The following CSMD1 variants were observed in gnomAD, a reference collection of about 807,000 sequenced individuals.
CSMD1 encodes the protein CUB and Sushi multiple domains 1, also known as CUB and sushi domain-containing protein 1.
A neutral mutation model predicts 417.5 loss-of-function variants in CSMD1; 213 were observed. The observed-to-expected ratio is 0.51, with a 90% CI of 0.46 to 0.57. CSMD1 has a LOEUF of 0.57. Among genes scored for constraint, CSMD1 ranks in the 20% least tolerant of loss-of-function variants. The pLI, the probability that CSMD1 is intolerant of heterozygous loss-of-function variation, is 0.00. For synonymous variants in CSMD1, 2,862 were observed against 1,736.8 expected (o/e 1.65, Z -16.11); for missense variants, 6,923 against 4,529.7 (o/e 1.53, Z -15.17).
chr8:4,371,653 T>C (rs1443129143), intron 3 of CSMD1, among the ~76,000 whole-genome samples: 1 of 152,226 alleles, frequency 6.6e-6, no homozygotes, highest in Non-Finnish European at 1.5e-5. Flanking sequence ...CTTTCTTACG[T>C]CTTAAAGTTC....
At position 3,247,319 on chromosome 8, in the gene CSMD1, G is replaced by A. The variant is rs560691453; in HGVS notation, c.4154-17088C>T. Among the ~76,000 whole-genome samples the A allele has an allele frequency of 2.3e-4, 35 of 152,260 alleles. No homozygotes were observed. The East Asian group carries it at 3.3e-3, about 14-fold the overall frequency. On this transcript the variant is annotated intron_variant, in intron 26 of 69. Transcript: ENST00000635120. ...ATAGCTGAAATTCTGCTACCTGGAC[G>A]CAGACTCCTCCTGCTCCTGGCCCCC...
intron 2 of CSMD1, among the ~76,000 whole-genome samples, chr8:4,571,422 G>T (rs898735364): frequency 1.3e-5 from 2 of 152,160 alleles, no homozygotes; most frequent in African/African-American, 4.8e-5. Flanking sequence ...TTAGGAGCAG[G>T]TTATCAGTTT....
chr8:3,738,461 A>C (rs957555312), intron 6 of CSMD1, among the ~76,000 whole-genome samples: 1 of 152,210 alleles, frequency 6.6e-6, no homozygotes, highest in African/African-American at 2.4e-5. Context: ...CTTGAAGCTC[A>C]TATGTGCAGT....
At chr8:3,141,647 A>T (rs1295235766) in intron 41 of CSMD1, among the ~76,000 whole-genome samples, 1 of 152,088 alleles carries the variant, frequency 6.6e-6, no homozygotes, top group Non-Finnish European at 1.5e-5. Flanking sequence ...ATCAGCTGAC[A>T]CCACCCAAAC....
Position 3,307,827 on chromosome 8 carries a change from G to A in CSMD1, c.3824-6C>T, listed in dbSNP as rs745512925. 2.5e-6 allele frequency: 4 copies of A among 1,610,106 alleles called. No individual in the cohort carries two copies. The highest frequency in any genetic ancestry group is 3.4e-6 in the Non-Finnish European group (4 of 1,178,664). ...GATCTGACCACCACATTCCGCTGTAGAAGACACAGAGAGATGGGAACGTTC... is the reference window on the plus strand; with the variant it reads ...GATCTGACCACCACATTCCGCTGTAAAAGACACAGAGAGATGGGAACGTTC... On this transcript the variant is annotated splice_region_variant and splice_polypyrimidine_tract_variant and intron_variant, in intron 24 of 69. Transcript: ENST00000635120.
intron 1 of CSMD1, among the ~76,000 whole-genome samples, chr8:4,752,576 G>T (rs1303102303): frequency 6.6e-6 from 1 of 152,130 alleles, no homozygotes; most frequent in Non-Finnish European, 1.5e-5. Context: ...AAAACGAAGT[G>T]AATTAAATGC....
intron 2 of CSMD1, among the ~76,000 whole-genome samples, chr8:4,582,537 A>G (rs1799471378): frequency 6.6e-6 from 1 of 152,180 alleles, no homozygotes; most frequent in African/African-American, 2.4e-5. Flanking sequence ...CAGGAGTGAG[A>G]GATCAGGAAG....
rs190560503 is a variant in CSMD1 at position 3,459,833 on chromosome 8, G to A, written c.1561+8879C>T. Among the ~76,000 whole-genome samples the A allele has an allele frequency of 3.4e-3, 517 of 152,156 alleles. 1 individual carries two copies. The highest frequency in any genetic ancestry group is 0.012 in the African/African-American group (504 of 41,522). Reference sequence around the variant, plus strand: ...TCTGTGTTGACTCATTGGCTACTGGGCTATAATTCCTCAAACGTATAAAAA... The same window carrying A: ...TCTGTGTTGACTCATTGGCTACTGGACTATAATTCCTCAAACGTATAAAAA... On this transcript the variant is annotated intron_variant, in intron 12 of 69. Transcript: ENST00000635120.
At chr8:3,956,025 C>A (rs1376469137) in intron 5 of CSMD1, among the ~76,000 whole-genome samples, 1 of 152,170 alleles carries the variant, frequency 6.6e-6, no homozygotes, top group Non-Finnish European at 1.5e-5. Context: ...GAACTCCTGA[C>A]CTCAGGTGAT....
chr8:3,777,981 A>T (rs1446920218), intron 5 of CSMD1, among the ~76,000 whole-genome samples: 1 of 152,146 alleles, frequency 6.6e-6, no homozygotes, highest in African/African-American at 2.4e-5. Flanking sequence ...TGAAGTGCAG[A>T]GTCTCAGTAC....
At chr8:4,664,242 A>T (rs969782275) in intron 1 of CSMD1, among the ~76,000 whole-genome samples, 1 of 152,288 alleles carries the variant, frequency 6.6e-6, no homozygotes, top group East Asian at 1.9e-4. Flanking sequence ...ACACTAAAAT[A>T]TTATTTCTGT....
chr8:3,618,105 G>A (rs564318830), intron 7 of CSMD1, among the ~76,000 whole-genome samples: 8 of 152,098 alleles, frequency 5.3e-5, no homozygotes, highest in South Asian at 2.1e-4. Context: ...AGGATCAAGC[G>A]ATACTCCCGT....
intron 1 of CSMD1, among the ~76,000 whole-genome samples, chr8:4,702,156 G>T (rs181420276): frequency 6.6e-6 from 1 of 152,132 alleles, no homozygotes; most frequent in Admixed American, 6.5e-5. Context: ...GCTAATGAAT[G>T]CTGGGCTTAA....
At chr8:4,190,389 T>C (rs564587166) in intron 3 of CSMD1, among the ~76,000 whole-genome samples, 1 of 152,250 alleles carries the variant, frequency 6.6e-6, no homozygotes, top group East Asian at 1.9e-4. Flanking sequence ...CAGCCACTAC[T>C]TGACAGAATG....
intron 2 of CSMD1, among the ~76,000 whole-genome samples, chr8:4,420,600 A>C (rs10091211): frequency 0.21 from 32,457 of 152,066 alleles, 3,575 homozygotes; most frequent in South Asian, 0.35. Flanking sequence ...GTGCACTCAA[A>C]CATGAAAGTA....
At chr8:4,919,450 A>G (rs1391970425) in intron 1 of CSMD1, among the ~76,000 whole-genome samples, 2 of 152,324 alleles carry the variant, frequency 1.3e-5, no homozygotes, top group African/African-American at 2.4e-5. Context: ...GGGGGATTTA[A>G]TGTATATTTT....
chr8:4,440,414 C>G (rs767291333), intron 2 of CSMD1, among the ~76,000 whole-genome samples: 3 of 152,174 alleles, frequency 2.0e-5, no homozygotes, highest in Non-Finnish European at 4.4e-5. Context: ...ACACCTATAT[C>G]TAATTATCCC....
chr8:4,832,740 G>A (rs1399557853), intron 1 of CSMD1, among the ~76,000 whole-genome samples: 2 of 152,154 alleles, frequency 1.3e-5, no homozygotes, highest in Non-Finnish European at 2.9e-5. Context: ...AAAGTGGAGA[G>A]AGATTACTGA....
intron 1 of CSMD1, among the ~76,000 whole-genome samples, chr8:4,890,326 G>A (rs1328514532): frequency 6.6e-6 from 1 of 152,118 alleles, no homozygotes; most frequent in African/African-American, 2.4e-5. Flanking sequence ...GAACCTCCAG[G>A]TTCCTATGGA....
Sources: gnomAD v4.1 joint callset for allele counts (sites outside exome capture counted in the v4.1 genomes callset) on GRCh38, gnomAD v4.1.1 for gene constraint, MANE v1.5 for transcripts, NCBI Gene and HGNC (gene_info 2026-07-23, HGNC 2026-07-21) for gene names.